The following DPYD variants were observed in gnomAD, a reference collection of about 807,000 sequenced individuals.
DPYD encodes the protein dihydropyrimidine dehydrogenase [NADP(+)].
DPYD carries 109 observed loss-of-function variants against 116.2 expected under a neutral mutation model. The ratio of observed to expected loss-of-function variants is 0.94; its 90% CI spans 0.80 to 1.10. DPYD has a LOEUF of 1.10. DPYD is among the 50% of genes least tolerant of loss of function. DPYD has a pLI of 0.00. For missense variants in DPYD, 1,302 were observed against 1,254.5 expected (o/e 1.04, Z -0.57); for synonymous variants, 440 against 432.0 (o/e 1.02, Z -0.23).
chr1:97,921,022 A>C lies in DPYD; in HGVS notation c.-100T>G. On this transcript the variant is annotated 5_prime_UTR_variant, in exon 1 of 23. Transcript: ENST00000370192. ...TGACAGCAGCCGGAGCGCGAGTCGA[A>C]AACAGGCAGACTAGGGCCGGCGGCG... is the stretch of plus-strand genomic sequence containing the variant. 6.8e-7 allele frequency: 1 copy of C among 1,467,284 alleles called. No individual in the cohort carries two copies. The highest frequency in any genetic ancestry group is 2.5e-5 in the East Asian group (1 of 40,002). 90.9% of individuals were successfully genotyped at this position (1,467,284 alleles called of 1,614,324 possible).
chr1:97,900,613 T>G (rs943957445), intron 1 of DPYD, among the ~76,000 whole-genome samples: 2 of 151,980 alleles, frequency 1.3e-5, no homozygotes, highest in African/African-American at 4.8e-5. Flanking sequence ...AATTTTATTG[T>G]GCCAGCACAA....
intron 18 of DPYD, among the ~76,000 whole-genome samples, chr1:97,252,659 T>G (rs1285609222): frequency 6.6e-6 from 1 of 152,172 alleles, no homozygotes; most frequent in Non-Finnish European, 1.5e-5. Context: ...AACCGCTATA[T>G]ACTGTTTTTC....
intron 12 of DPYD, among the ~76,000 whole-genome samples, chr1:97,533,158 AC>A (rs946064002): frequency 1.2e-4 from 18 of 151,348 alleles, no homozygotes; most frequent in African/African-American, 3.9e-4. Flanking sequence ...ACCATGCCGC[AC>A]CTCCAGCACT....
chr1:97,573,793 T>C lies in DPYD; in HGVS notation c.1306A>G (p.Ser436Gly). Residue 436 changes from serine to glycine, a missense_variant, in exon 11 of 23, where the codon AGT becomes GGT. Physicochemically the swap from Ser to Gly is moderately conservative, Grantham distance 56 (BLOSUM62 0). Coordinates refer to ENST00000370192, the MANE Select transcript of DPYD (RefSeq NM_000110.4). ...MVHLKADVVI[S>G]AFGSVLSDPK... The stretch of plus-strand genomic sequence containing the variant: ...TCACTCAGAACTGAACCAAAGGCAC[T>C]GATGACCACATCGGCTTTCAGATGG... The C allele has an allele frequency of 6.2e-7, 1 of 1,613,682 alleles. No homozygotes were observed. The highest frequency in any genetic ancestry group is 2.2e-5 in the East Asian group (1 of 44,860).
At chr1:97,552,333 A>G (rs758386569) in intron 11 of DPYD, among the ~76,000 whole-genome samples, 2 of 152,140 alleles carry the variant, frequency 1.3e-5, no homozygotes, top group African/African-American at 4.8e-5. Context: ...GTGCTTTACC[A>G]TATTTTAGGA....
At chr1:97,482,150 G>T (rs904086301) in intron 13 of DPYD, among the ~76,000 whole-genome samples, 8 of 152,228 alleles carry the variant, frequency 5.3e-5, no homozygotes, top group East Asian at 1.9e-4. Context: ...AGTCTAAGGG[G>T]TATATATAAC....
At chr1:97,258,715 G>A (rs549277672) in intron 18 of DPYD, among the ~76,000 whole-genome samples, 19 of 152,290 alleles carry the variant, frequency 1.2e-4, no homozygotes, top group Admixed American at 3.9e-4. Flanking sequence ...ACAGAAGTGA[G>A]AGGGCCTCTG....
Position 97,720,424 on chromosome 1 carries a change from C to T in DPYD, c.483+1086G>A, listed in dbSNP as rs778821470. 7 of 985,868 alleles carry T rather than the reference C, an allele frequency of 7.1e-6. No individual in the cohort carries two copies. In the South Asian group the frequency reaches 1.9e-4, roughly 26 times the overall value. The allele number at this position is 985,868 out of a possible 1,614,324, so 61.1% of individuals were successfully genotyped here. A position where few individuals can be genotyped will look rare whatever the true frequency, so the allele number is the denominator to read the frequency against. On this transcript the variant is annotated intron_variant, in intron 5 of 22. Transcript: ENST00000370192. ...TTCACAGGTAGTAAAGATCATACTT[C>T]GTAGTGGTCAGGTAAGCCTAATGCA... is the stretch of plus-strand genomic sequence containing the variant.
intron 12 of DPYD, among the ~76,000 whole-genome samples, chr1:97,538,570 G>T (rs1271924847): frequency 2.0e-5 from 3 of 152,092 alleles, no homozygotes; most frequent in Non-Finnish European, 4.4e-5. Flanking sequence ...TAGAAAAGTA[G>T]GTCACCAATG....
At chr1:97,564,840 T>C (rs1331712239) in intron 11 of DPYD, among the ~76,000 whole-genome samples, 2 of 152,200 alleles carry the variant, frequency 1.3e-5, no homozygotes, top group Non-Finnish European at 2.9e-5. Flanking sequence ...CTTTAACTTG[T>C]CTTTCTTAAT....
intron 3 of DPYD, among the ~76,000 whole-genome samples, chr1:97,807,125 G>A (rs1032644275): frequency 4.9e-4 from 75 of 152,176 alleles, no homozygotes; most frequent in African/African-American, 1.6e-3. Context: ...GTAAACATCC[G>A]TGTGCAGGTT....
At chr1:97,390,651 C>A (rs1672640352) in intron 14 of DPYD, among the ~76,000 whole-genome samples, 1 of 151,852 alleles carries the variant, frequency 6.6e-6, no homozygotes, top group South Asian at 2.1e-4. Flanking sequence ...AAAAATTCAT[C>A]ATTTTTTGGT....
At chr1:97,460,520 G>A (rs1046578879) in intron 13 of DPYD, among the ~76,000 whole-genome samples, 5 of 152,262 alleles carry the variant, frequency 3.3e-5, no homozygotes, top group Non-Finnish European at 5.9e-5. Context: ...AGTATGGTGC[G>A]TTGATATGCT....
intron 18 of DPYD, among the ~76,000 whole-genome samples, chr1:97,257,437 A>G (rs965623466): frequency 8.7e-6 from 1 of 115,482 alleles, no homozygotes; most frequent in Non-Finnish European, 1.7e-5. Flanking sequence ...ATACATACGT[A>G]TATATATATA....
At chr1:97,257,081 A>T (rs1282572620) in intron 18 of DPYD, among the ~76,000 whole-genome samples, 2 of 152,122 alleles carry the variant, frequency 1.3e-5, no homozygotes, top group Admixed American at 6.6e-5. Flanking sequence ...TGCTTTTAAC[A>T]TACCACAATG....
chr1:97,137,533 T>G (rs911221764), intron 20 of DPYD, among the ~76,000 whole-genome samples: 5 of 152,172 alleles, frequency 3.3e-5, no homozygotes, highest in Admixed American at 6.5e-5. Flanking sequence ...ATAATGGTAT[T>G]AACAGGGAAA....
At chr1:97,608,048 G>T (rs1308691247) in intron 8 of DPYD, among the ~76,000 whole-genome samples, 2 of 151,902 alleles carry the variant, frequency 1.3e-5, no homozygotes, top group Non-Finnish European at 2.9e-5. Flanking sequence ...GAAGAAAGGG[G>T]AAAACTCTAT....
At chr1:97,222,878 G>A (rs1463272447) in intron 19 of DPYD, among the ~76,000 whole-genome samples, 2 of 151,988 alleles carry the variant, frequency 1.3e-5, no homozygotes. Context: ...ATGCTGTCAA[G>A]TATTTTTACT....
At chr1:97,584,004 T>C (rs1408692200) in intron 10 of DPYD, among the ~76,000 whole-genome samples, 1 of 152,208 alleles carries the variant, frequency 6.6e-6, no homozygotes, top group Non-Finnish European at 1.5e-5. Context: ...CTTTCCACAA[T>C]GGTTGAACTA....
Sources: allele counts gnomAD v4.1 joint callset (sites outside exome capture counted in the v4.1 genomes callset), GRCh38; gene constraint gnomAD v4.1.1; transcripts MANE v1.5; gene names NCBI Gene and HGNC (gene_info 2026-07-23, HGNC 2026-07-21).